CSTF3: variants seen among roughly 807,000 people sequenced by gnomAD.
The protein encoded by CSTF3 is cleavage stimulation factor subunit 3, also known as CF-1 77 kDa subunit.
A neutral mutation model predicts 105.8 loss-of-function variants in CSTF3; 29 were observed. The observed-to-expected ratio is 0.27, with a 90% CI of 0.20 to 0.37. The LOEUF (loss-of-function observed/expected upper bound fraction) is 0.37. Among genes scored for constraint, CSTF3 ranks in the 10% least tolerant of loss-of-function variants. The probability of loss-of-function intolerance (pLI) is 1.00; values close to 1 mark genes in which losing one functional copy is unlikely to be tolerated. For missense variants in CSTF3, 357 were observed against 879.3 expected, an observed-to-expected ratio of 0.41 and a Z score of 7.51; for synonymous variants, 252 against 281.9, an observed-to-expected ratio of 0.89 and a Z score of 1.06.
At chr11:33,150,240 GA>G (rs1855842875) in intron 1 of CSTF3, among the ~76,000 whole-genome samples, 1 of 81,450 alleles carries the variant, frequency 1.2e-5, no homozygotes, top group South Asian at 4.2e-4. Context: ...AAAAAAAAAA[GA>G]AAAGAAAAGA....
intron 3 of CSTF3, among the ~76,000 whole-genome samples, chr11:33,119,815 A>G (rs1237013898): frequency 1.3e-5 from 2 of 151,798 alleles, no homozygotes; most frequent in African/African-American, 4.8e-5. Flanking sequence ...TCTCAATCCT[A>G]TATGGATAGT....
chr11:33,095,521 G>C (rs1369420586), intron 15 of CSTF3, among the ~76,000 whole-genome samples: 1 of 152,142 alleles, frequency 6.6e-6, no homozygotes, highest in African/African-American at 2.4e-5. Context: ...ACAGAATAGG[G>C]AAATAAATAC....
intron 1 of CSTF3, among the ~76,000 whole-genome samples, chr11:33,158,719 ATACT>A (rs1366912137): frequency 6.6e-6 from 1 of 152,214 alleles, no homozygotes; most frequent in Non-Finnish European, 1.5e-5. Flanking sequence ...CTATCCAAAA[ATACT>A]TAACCCAAAT....
chr11:33,091,713 T>A (rs1330288786), intron 16 of CSTF3, among the ~76,000 whole-genome samples: 1 of 152,096 alleles, frequency 6.6e-6, no homozygotes, highest in Non-Finnish European at 1.5e-5. Context: ...AGAGGTATCT[T>A]TTTTGTTGTT....
intron 3 of CSTF3, among the ~76,000 whole-genome samples, chr11:33,130,261 TC>T (rs1855585112): frequency 1.3e-5 from 2 of 152,004 alleles, no homozygotes; most frequent in Admixed American, 6.6e-5. Context: ...TCACCAGAGG[TC>T]AGGAGTTCGA....
chr11:33,117,330 A>G lies in CSTF3; in HGVS notation c.226-8912T>C, dbSNP rs1373449973. ...TTATAAGAAAAAGGGATCTGGTGGA[A>G]TATGCCACAGGTCAAAAATAAGGGT... On this transcript the variant is annotated intron_variant, in intron 3 of 20. Transcript: ENST00000323959. 2.0e-5 allele frequency among the ~76,000 whole-genome samples: 3 copies of G among 152,152 alleles called. 1 individual carries two copies. In the East Asian group the frequency reaches 5.8e-4, roughly 29 times the overall value.
At chr11:33,142,560 T>C (rs1434226246) in intron 1 of CSTF3, among the ~76,000 whole-genome samples, 1 of 152,178 alleles carries the variant, frequency 6.6e-6, no homozygotes, top group East Asian at 1.9e-4. Context: ...CTTACTTTTG[T>C]ATTAAATACT....
intron 3 of CSTF3, among the ~76,000 whole-genome samples, chr11:33,135,783 A>G (rs539990376): frequency 2.6e-5 from 4 of 152,262 alleles, no homozygotes; most frequent in Admixed American, 6.5e-5. Context: ...TCCAGTATGA[A>G]AAGTTGCAGA....
At chr11:33,100,199 C>CA (rs1424567783) in intron 10 of CSTF3, among the ~76,000 whole-genome samples, 1 of 151,888 alleles carries the variant, frequency 6.6e-6, no homozygotes, top group African/African-American at 2.4e-5. Context: ...TACTGAAATA[C>CA]AAAAAATTAG....
rs1565003314 is a variant in CSTF3 at position 33,096,422 on chromosome 11, A to G, written c.1273-14T>C. On this transcript the variant is annotated splice_polypyrimidine_tract_variant and intron_variant, in intron 14 of 20. Transcript: ENST00000323959. The stretch of plus-strand genomic sequence containing the variant: ...AACAGATTTGTCCTACAAGTAAAGA[A>G]AGTAAAGTACAGATTTCCATGAAAT... The G allele has an allele frequency of 6.6e-7, 1 of 1,504,862 alleles. No individual in the cohort carries two copies. Among genetic ancestry groups the G allele is most frequent in the East Asian group, 2.3e-5 (1 of 43,874 alleles). 93.2% of individuals were successfully genotyped at this position (1,504,862 alleles called of 1,614,324 possible).
At chr11:33,156,645 G>A in intron 1 of CSTF3, 1 of 447,808 alleles carries the variant, frequency 2.2e-6, no homozygotes, top group South Asian at 1.6e-5. Context: ...TGTATTTTAG[G>A]CCTTCCAAAT....
At chr11:33,124,112 T>C (rs550976234) in intron 3 of CSTF3, among the ~76,000 whole-genome samples, 204 of 152,218 alleles carry the variant, frequency 1.3e-3, no homozygotes, top group Non-Finnish European at 2.4e-3. Context: ...ATGTATAATA[T>C]TGTCAAAACT....
At chr11:33,088,289 C>CT (rs951194279) in intron 17 of CSTF3, among the ~76,000 whole-genome samples, 19,794 of 140,976 alleles carry the variant, frequency 0.14, 3,302 homozygotes, top group African/African-American at 0.4. Flanking sequence ...TACTTACTCT[C>CT]TTTTTTTTTT....
intron 1 of CSTF3, among the ~76,000 whole-genome samples, chr11:33,145,966 A>G (rs1156383969): frequency 1.3e-5 from 2 of 151,852 alleles, no homozygotes; most frequent in Non-Finnish European, 2.9e-5. Context: ...GCCAGGGGCG[A>G]TGGCTCAGGC....
chr11:33,152,537 T>G (rs1186135801), intron 1 of CSTF3, among the ~76,000 whole-genome samples: 2 of 152,220 alleles, frequency 1.3e-5, no homozygotes, highest in Non-Finnish European at 2.9e-5. Context: ...ACTTTCCATG[T>G]TTAACCGTCT....
chr11:33,129,449 T>TG (rs953445774), intron 3 of CSTF3, among the ~76,000 whole-genome samples: 12 of 151,268 alleles, frequency 7.9e-5, no homozygotes, highest in Admixed American at 3.3e-4. Flanking sequence ...ATACAGATGG[T>TG]GGGGGGGTCT....
chr11:33,148,982 G>T (rs1308403690), intron 1 of CSTF3, among the ~76,000 whole-genome samples: 4 of 150,506 alleles, frequency 2.7e-5, no homozygotes, highest in African/African-American at 9.8e-5. Context: ...GTGTACCACC[G>T]CTCCTTGCTC....
At chr11:33,147,325 G>C (rs886893590) in intron 1 of CSTF3, among the ~76,000 whole-genome samples, 3 of 151,910 alleles carry the variant, frequency 2.0e-5, no homozygotes, top group Non-Finnish European at 4.4e-5. Flanking sequence ...GGCCAGGCTT[G>C]GTGGCTCACA....
chr11:33,132,389 GA>G (rs894151453), intron 3 of CSTF3, among the ~76,000 whole-genome samples: 34 of 143,452 alleles, frequency 2.4e-4, no homozygotes, highest in East Asian at 8.0e-4. Context: ...TTCTGTTGAA[GA>G]AAAAAAAAAA....
Sources: gnomAD v4.1 joint callset for allele counts (sites outside exome capture counted in the v4.1 genomes callset) on GRCh38, gnomAD v4.1.1 for gene constraint, MANE v1.5 for transcripts, NCBI Gene and HGNC (gene_info 2026-07-23, HGNC 2026-07-21) for gene names.